The following LDAH variants were observed in gnomAD, a reference collection of about 807,000 sequenced individuals.
LDAH encodes the protein lipid droplet associated hydrolase.
LDAH carries 26 observed loss-of-function variants against 29.6 expected under a neutral mutation model. That is an observed-to-expected ratio of 0.88 (90% confidence interval 0.64 to 1.22). The LOEUF (loss-of-function observed/expected upper bound fraction) is 1.22. Ranked by LOEUF, LDAH falls within the 50% of genes most tolerant of loss-of-function variation. The pLI is 0.00. For synonymous variants in LDAH, 117 were observed against 133.0 expected, an observed-to-expected ratio of 0.88 and a Z score of 0.83; for missense variants, 344 against 387.3, an observed-to-expected ratio of 0.89 and a Z score of 0.94.
intron 3 of LDAH, chr2:20,789,142 A>G: frequency 7.1e-6 from 11 of 1,550,504 alleles, no homozygotes; most frequent in Non-Finnish European, 9.6e-6. Context: ...TTCAATTGTG[A>G]AAACCAGCTG....
At chr2:20,730,113 T>G (rs114035086) in intron 5 of LDAH, among the ~76,000 whole-genome samples, 2 of 152,248 alleles carry the variant, frequency 1.3e-5, no homozygotes, top group Admixed American at 6.5e-5. Context: ...TCTCTGGAGA[T>G]GGACACAGGT....
At chr2:20,816,837 CTTAAAAA>C (rs1170956270) in intron 1 of LDAH, among the ~76,000 whole-genome samples, 2 of 151,478 alleles carry the variant, frequency 1.3e-5, no homozygotes, top group Non-Finnish European at 3.0e-5. Context: ...ATAAAAGAAA[CTTAAAAA>C]TTAAAAATTA....
intron 3 of LDAH, chr2:20,788,936 G>T (rs570519290): frequency 2.0e-6 from 1 of 502,936 alleles, no homozygotes; most frequent in Admixed American, 3.7e-5. Context: ...GAGGTAGTTT[G>T]CATCTCCATG....
intron 1 of LDAH, among the ~76,000 whole-genome samples, chr2:20,820,242 T>C (rs1673161187): frequency 6.6e-6 from 1 of 152,104 alleles, no homozygotes; most frequent in South Asian, 2.1e-4. Context: ...AATGACTTTC[T>C]TCATGGAATT....
At position 20,722,304 on chromosome 2, in the gene LDAH, C is replaced by T. The variant is rs191590504; in HGVS notation, c.703+17667G>A. On this transcript the variant is annotated intron_variant, in intron 5 of 6. Coordinates refer to ENST00000237822, the MANE Select transcript of LDAH (RefSeq NM_021925.4). ...GGGAGAGAGGAGAATTGCTTAAACC[C>T]GGGAGGCAGAGTTTGCAGTGAGCCG... Among the ~76,000 whole-genome samples the T allele has an allele frequency of 1.8e-4, 26 of 147,200 alleles. No individual in the cohort carries two copies. The East Asian group carries it at 2.5e-3, about 14-fold the overall frequency.
intron 4 of LDAH, among the ~76,000 whole-genome samples, chr2:20,744,133 G>C (rs562355417): frequency 6.6e-6 from 1 of 151,202 alleles, no homozygotes; most frequent in South Asian, 2.1e-4. Context: ...ATAGCCATTA[G>C]TATATTAATC....
rs1670494565 is a variant in LDAH, at chr2:20,785,682, C to T, written c.298+4573G>A. Reference sequence around the variant, plus strand: ...TACACCTTTTGAAATTGTCCCACAACTCTTGGATGTGCTGTACTTTTATAA... The same window carrying T: ...TACACCTTTTGAAATTGTCCCACAATTCTTGGATGTGCTGTACTTTTATAA... On this transcript the variant is annotated intron_variant, in intron 3 of 6. Coordinates refer to ENST00000237822, the MANE Select transcript of LDAH (RefSeq NM_021925.4). Among the ~76,000 whole-genome samples, 6 of 152,304 alleles carry T rather than the reference C, an allele frequency of 3.9e-5. 1 individual carries two copies. In the South Asian group the frequency reaches 1.2e-3, roughly 32 times the overall value.
At chr2:20,708,803 G>C (rs528406568) in intron 5 of LDAH, among the ~76,000 whole-genome samples, 1 of 152,208 alleles carries the variant, frequency 6.6e-6, no homozygotes, top group South Asian at 2.1e-4. Flanking sequence ...AAAAGCACAA[G>C]TGACAAAAAT....
At chr2:20,724,411 A>T (rs1207837007) in intron 5 of LDAH, among the ~76,000 whole-genome samples, 4 of 152,220 alleles carry the variant, frequency 2.6e-5, no homozygotes, top group African/African-American at 9.6e-5. Flanking sequence ...TCCAGTGCTT[A>T]TCTGAACAGT....
intron 3 of LDAH, among the ~76,000 whole-genome samples, chr2:20,778,936 T>C (rs1669997279): frequency 1.3e-5 from 2 of 152,000 alleles, no homozygotes; most frequent in African/African-American, 4.8e-5. Context: ...TATATATATA[T>C]ATATATGGCT....
intron 4 of LDAH, among the ~76,000 whole-genome samples, chr2:20,758,093 A>T (rs755899466): frequency 2.0e-5 from 3 of 152,250 alleles, no homozygotes; most frequent in African/African-American, 4.8e-5. Flanking sequence ...CGGATAGACA[A>T]GATAATATAA....
intron 1 of LDAH, among the ~76,000 whole-genome samples, chr2:20,804,165 A>T (rs1338128822): frequency 6.6e-6 from 1 of 152,190 alleles, no homozygotes; most frequent in Non-Finnish European, 1.5e-5. Context: ...TTCCCACAGC[A>T]CCACAGACAA....
At chr2:20,749,249 T>TCA (rs1175301068) in intron 4 of LDAH, among the ~76,000 whole-genome samples, 2 of 152,168 alleles carry the variant, frequency 1.3e-5, no homozygotes, top group Non-Finnish European at 2.9e-5. Context: ...TTCTTCTCTA[T>TCA]AAGGGTCAAG....
At chr2:20,693,143 T>C (rs1304626221) in intron 6 of LDAH, among the ~76,000 whole-genome samples, 1 of 152,050 alleles carries the variant, frequency 6.6e-6, no homozygotes, top group Non-Finnish European at 1.5e-5. Flanking sequence ...TAGTTACCTG[T>C]GGGCTAGTGC....
chr2:20,712,929 T>C (rs948802363), intron 5 of LDAH, among the ~76,000 whole-genome samples: 1 of 152,046 alleles, frequency 6.6e-6, no homozygotes, highest in African/African-American at 2.4e-5. Flanking sequence ...TACCTGAAAG[T>C]GATGGGGAGA....
chr2:20,690,264 C>T lies in LDAH; in HGVS notation c.787-3170G>A, dbSNP rs145447537. 3.4e-3 allele frequency among the ~76,000 whole-genome samples: 523 copies of T among 152,234 alleles called. 1 individual carries two copies. Among genetic ancestry groups the T allele is most frequent in the Non-Finnish European group, 6.1e-3 (415 of 68,014 alleles). On this transcript the variant is annotated intron_variant, in intron 6 of 6. Coordinates refer to ENST00000237822, the MANE Select transcript of LDAH (RefSeq NM_021925.4). Reference sequence around the variant, plus strand: ...AAGTAATTATGGGGCACACACTGTCCAAGGCATGTGCTAGGAACCTCAACA... The same window carrying T: ...AAGTAATTATGGGGCACACACTGTCTAAGGCATGTGCTAGGAACCTCAACA...
chr2:20,821,445 A>G (rs1044194116), intron 1 of LDAH, among the ~76,000 whole-genome samples: 1 of 152,158 alleles, frequency 6.6e-6, no homozygotes, highest in Admixed American at 6.5e-5. Flanking sequence ...CATAAAAAAG[A>G]ATGAGTTCAT....
rs887560258 is a variant in LDAH, at chr2:20,684,649, G to C, written c.*2254C>G. ...ATGGTGAGAGGCCCTTGGTGGCCAT[G>C]GACATCAGGCCACACAAGCCACAGA... On this transcript the variant is annotated 3_prime_UTR_variant, in exon 7 of 7. Coordinates refer to ENST00000237822, the MANE Select transcript of LDAH (RefSeq NM_021925.4). 9.8e-6 allele frequency: 4 copies of C among 408,274 alleles called. No homozygotes were observed. Among genetic ancestry groups the C allele is most frequent in the Non-Finnish European group, 1.7e-5 (4 of 230,910 alleles). 25.3% of individuals were successfully genotyped at this position (408,274 alleles called of 1,614,324 possible).
At chr2:20,720,555 C>G (rs1665575162) in intron 5 of LDAH, among the ~76,000 whole-genome samples, 1 of 152,056 alleles carries the variant, frequency 6.6e-6, no homozygotes, top group African/African-American at 2.4e-5. Context: ...CCAAAGCAAT[C>G]TACAGATTCA....
Sources: allele counts gnomAD v4.1 joint callset (sites outside exome capture counted in the v4.1 genomes callset), GRCh38; gene constraint gnomAD v4.1.1; transcripts MANE v1.5; gene names NCBI Gene and HGNC (gene_info 2026-07-23, HGNC 2026-07-21).